Variants in SORT1 observed in about 807,000 individuals in gnomAD.
The protein encoded by SORT1 is sortilin.
In SORT1, 39 loss-of-function variants were observed where a neutral mutation model predicts 101.7. The ratio of observed to expected loss-of-function variants is 0.38; its 90% confidence interval spans 0.30 to 0.50. The LOEUF (loss-of-function observed/expected upper bound fraction) is 0.50, where lower values mean the gene tolerates loss of function less well. Ranked by LOEUF, SORT1 falls within the 20% of genes least tolerant of loss-of-function variation. The probability of loss-of-function intolerance (pLI) is 0.90; values close to 1 mark genes in which losing one functional copy is unlikely to be tolerated. For missense variants in SORT1, 878 were observed against 1,040.4 expected (o/e 0.84, Z 2.15); for synonymous variants, 396 against 393.7 (o/e 1.01, Z -0.07).
chr1:109,381,549 A>G (rs1652236347), intron 1 of SORT1, among the ~76,000 whole-genome samples: 1 of 152,218 alleles, frequency 6.6e-6, no homozygotes, highest in Admixed American at 6.5e-5. Context: ...ACAGCATGTG[A>G]CATCATATGT....
intron 5 of SORT1, among the ~76,000 whole-genome samples, chr1:109,351,378 G>C (rs1649948161): frequency 6.6e-6 from 1 of 152,206 alleles, no homozygotes; most frequent in Non-Finnish European, 1.5e-5. Context: ...ATAGAAGTGA[G>C]GAGAGGAGGA....
At chr1:109,390,771 A>ATGTGTG (rs376882706) in intron 1 of SORT1, among the ~76,000 whole-genome samples, 2,657 of 145,658 alleles carry the variant, frequency 0.018, 81 homozygotes, top group African/African-American at 0.064. Context: ...GTGTGTGTGT[A>ATGTGTG]TGTGTGTGTG....
chr1:109,342,155 T>C lies in SORT1; in HGVS notation c.967A>G (p.Thr323Ala). 6 of 1,608,800 alleles carry C rather than the reference T, an allele frequency of 3.7e-6. No individual in the cohort carries two copies. The highest frequency in any genetic ancestry group is 5.1e-6 in the Non-Finnish European group (6 of 1,175,644). Residue 323 changes from threonine to alanine, a missense_variant, in exon 9 of 20, where the codon ACA becomes GCA. Coordinates refer to ENST00000256637, the MANE Select transcript of SORT1 (RefSeq NM_002959.7). The stretch of plus-strand genomic sequence containing the variant: ...GTTGAAACGTGGATCCTTCTTGTTG[T>C]ATCCTAGAACAGATGTCAATATTTA... ...LFASVMADKD[T>A]TRRIHVSTDQ...
intron 2 of SORT1, among the ~76,000 whole-genome samples, 199 bp downstream of exon 2, chr1:109,369,331 C>A (rs926724864): frequency 6.6e-6 from 1 of 151,856 alleles, no homozygotes; most frequent in Admixed American, 6.6e-5. Context: ...CCCACCCCCC[C>A]GCAAAAAAGA....
Position 109,314,771 on chromosome 1 carries a change from T to A in SORT1, c.2258A>T (p.Lys753Met). The change falls in exon 18 of 20, where the codon AAG becomes ATG. Residue 753 changes from lysine to methionine, a missense_variant. This residue lies in a region of SORT1 where 684 missense variants were observed against 894.5 expected (regional missense o/e 0.76). Transcript: ENST00000256637. ...NFLSPEKQNS[K>M]SNSVPIILAI... ...CAGGATAATTGGAACAGAATTTGAC[T>A]TGGAATTCTTGAGAAATTAAAACAC... 6.3e-7 allele frequency: 1 copy of A among 1,593,440 alleles called. No homozygotes were observed. Among genetic ancestry groups the A allele is most frequent in the Non-Finnish European group, 8.6e-7 (1 of 1,161,310 alleles).
At chr1:109,375,845 A>T (rs576880677) in intron 1 of SORT1, among the ~76,000 whole-genome samples, 1 of 152,288 alleles carries the variant, frequency 6.6e-6, no homozygotes. Flanking sequence ...TCAAGCTGTA[A>T]TTCTATAGCA....
Position 109,339,464 on chromosome 1 carries a change from T to C in SORT1, c.1264+1260A>G, listed in dbSNP as rs182130078. 7.9e-5 allele frequency among the ~76,000 whole-genome samples: 12 copies of C among 152,346 alleles called. No individual in the cohort carries two copies. The East Asian group carries it at 1.9e-3, about 24-fold the overall frequency. ...ATTAGAAGCTTCCTCAACGAAGATA[T>C]TCACATGGCCAACGAGCATATAAAA... On this transcript the variant is annotated intron_variant, in intron 10 of 19. Transcript: ENST00000256637.
chr1:109,309,774 C>T lies in SORT1; in HGVS notation c.*4269G>A, dbSNP rs893331874. ...ACGTGGGTCACTGAAACTCGATTAT[C>T]CCACCTCACATGCAATTTTCTGTCC... On this transcript the variant is annotated 3_prime_UTR_variant, in exon 20 of 20. Transcript: ENST00000256637. The T allele has an allele frequency of 1.3e-5, 2 of 152,236 alleles. No individual in the cohort carries two copies. The highest frequency in any genetic ancestry group is 2.9e-5 in the Non-Finnish European group (2 of 68,044). 9.4% of individuals were successfully genotyped at this position (152,236 alleles called of 1,614,324 possible).
At chr1:109,384,394 T>C (rs1189303747) in intron 1 of SORT1, among the ~76,000 whole-genome samples, 1 of 152,170 alleles carries the variant, frequency 6.6e-6, no homozygotes, top group Non-Finnish European at 1.5e-5. Flanking sequence ...GGGTGATATA[T>C]GTAGAGACAG....
intron 1 of SORT1, among the ~76,000 whole-genome samples, chr1:109,378,232 G>C (rs752695309): frequency 6.6e-6 from 1 of 151,864 alleles, no homozygotes. Flanking sequence ...GAGAGACCCG[G>C]TCTATATTTA....
chr1:109,351,920 A>G (rs535893416), intron 5 of SORT1, among the ~76,000 whole-genome samples: 1 of 152,008 alleles, frequency 6.6e-6, no homozygotes, highest in East Asian at 1.9e-4. Flanking sequence ...AAGCTAGCAT[A>G]GTAGAACGGG....
chr1:109,397,070 G>T (rs1310326594), intron 1 of SORT1: 1 of 152,220 alleles, frequency 6.6e-6, no homozygotes, highest in Non-Finnish European at 1.5e-5. Context: ...AGCAGTAAAA[G>T]AGATCACATA....
At chr1:109,370,047 T>C (rs1035877630) in intron 1 of SORT1, among the ~76,000 whole-genome samples, 1 of 152,216 alleles carries the variant, frequency 6.6e-6, no homozygotes, top group African/African-American at 2.4e-5. Context: ...TTCCTTTTAC[T>C]TCTAGTCTAG....
At chr1:109,375,000 A>T (rs72981193) in intron 1 of SORT1, among the ~76,000 whole-genome samples, 2,453 of 152,354 alleles carry the variant, frequency 0.016, 70 homozygotes, top group African/African-American at 0.056. Flanking sequence ...TAGGCTGAAC[A>T]GGAGATTAGA....
At chr1:109,350,908 A>G in intron 6 of SORT1, 21 bp downstream of exon 6, 1 of 1,535,122 alleles carries the variant, frequency 6.5e-7, no homozygotes, top group South Asian at 1.1e-5. Context: ...CTCTGCACAG[A>G]TGGAGTCTTC....
intron 15 of SORT1, among the ~76,000 whole-genome samples, chr1:109,319,834 T>C (rs1215516252): frequency 6.7e-6 from 1 of 148,524 alleles, no homozygotes; most frequent in Non-Finnish European, 1.5e-5. Context: ...ACCACTGTAC[T>C]CCGGCCTGGG....
chr1:109,350,586 T>C (rs1365930192), intron 6 of SORT1, among the ~76,000 whole-genome samples: 1 of 152,236 alleles, frequency 6.6e-6, no homozygotes, highest in African/African-American at 2.4e-5. Context: ...AATCTGGGCA[T>C]GGAGAAGTAT....
chr1:109,374,353 A>G (rs1651680740), intron 1 of SORT1, among the ~76,000 whole-genome samples: 1 of 152,140 alleles, frequency 6.6e-6, no homozygotes, highest in Non-Finnish European at 1.5e-5. Context: ...TGGGCGGATC[A>G]CTTGAGGTCA....
chr1:109,357,378 A>T (rs1033402248), intron 3 of SORT1, among the ~76,000 whole-genome samples: 1 of 152,276 alleles, frequency 6.6e-6, no homozygotes, highest in Non-Finnish European at 1.5e-5. Context: ...GCCTCAACAA[A>T]TAAAGAATTG....
Sources: allele counts gnomAD v4.1 joint callset (sites outside exome capture counted in the v4.1 genomes callset), GRCh38; gene constraint gnomAD v4.1.1; regional missense constraint gnomAD v4.1.1; transcripts MANE v1.5; gene names NCBI Gene and HGNC (gene_info 2026-07-23, HGNC 2026-07-21).